GRIN2B: variants seen among roughly 807,000 people sequenced by gnomAD.
GRIN2B encodes the protein glutamate receptor ionotropic, NMDA 2B.
GRIN2B carries 5 observed loss-of-function variants against 114.5 expected under a neutral mutation model. That is an observed-to-expected ratio of 0.04 (90% confidence interval 0.02 to 0.09). The LOEUF (loss-of-function observed/expected upper bound fraction) is 0.09. Ranked by LOEUF, GRIN2B falls within the 10% of genes least tolerant of loss-of-function variation. The pLI, the probability that GRIN2B is intolerant of heterozygous loss-of-function variation, is 1.00. For synonymous variants in GRIN2B, 787 were observed against 745.1 expected, an observed-to-expected ratio of 1.06 and a Z score of -0.92; for missense variants, 1,108 against 1,943.5, an observed-to-expected ratio of 0.57 and a Z score of 8.08.
intron 10 of GRIN2B, among the ~76,000 whole-genome samples, chr12:13,575,975 A>G (rs1305504554): frequency 2.0e-5 from 3 of 152,186 alleles, no homozygotes; most frequent in African/African-American, 7.2e-5. Context: ...AAATTGTCCT[A>G]TGTAAGGCAA....
intron 2 of GRIN2B, among the ~76,000 whole-genome samples, chr12:13,923,039 G>A (rs1016989419): frequency 7.2e-5 from 11 of 152,022 alleles, no homozygotes; most frequent in Non-Finnish European, 2.9e-5. Flanking sequence ...TACATCCTTG[G>A]AAGCACCTGG....
chr12:13,945,615 C>T (rs1043825630), intron 2 of GRIN2B, among the ~76,000 whole-genome samples: 5 of 152,154 alleles, frequency 3.3e-5, no homozygotes, highest in African/African-American at 7.2e-5. Context: ...GTGGGCAGCA[C>T]CAGTACCTAC....
intron 4 of GRIN2B, among the ~76,000 whole-genome samples, chr12:13,684,218 C>T (rs1950157154): frequency 1.3e-5 from 2 of 152,266 alleles, no homozygotes; most frequent in South Asian, 4.1e-4. Context: ...CTCATACCTC[C>T]ATAATTTTAG....
chr12:13,652,513 A>T (rs1046365714), intron 5 of GRIN2B, among the ~76,000 whole-genome samples: 1 of 152,000 alleles, frequency 6.6e-6, no homozygotes, highest in Non-Finnish European at 1.5e-5. Flanking sequence ...TGGCCCTTCT[A>T]GACAAAGCGG....
chr12:13,655,483 A>C (rs1949854435), intron 5 of GRIN2B, among the ~76,000 whole-genome samples: 1 of 152,224 alleles, frequency 6.6e-6, no homozygotes, highest in South Asian at 2.1e-4. Flanking sequence ...AAGCTACTGC[A>C]GATTAATCCC....
At chr12:13,900,835 G>A (rs1866436751) in intron 2 of GRIN2B, among the ~76,000 whole-genome samples, 1 of 152,060 alleles carries the variant, frequency 6.6e-6, no homozygotes, top group South Asian at 2.1e-4. Context: ...ATACTTCTGA[G>A]ATTTGGCCAT....
intron 2 of GRIN2B, among the ~76,000 whole-genome samples, chr12:13,920,552 A>C (rs1363463257): frequency 2.0e-5 from 3 of 152,176 alleles, no homozygotes; most frequent in African/African-American, 4.8e-5. Context: ...GAAGCCTAGA[A>C]ACTTCCTTCC....
At chr12:13,869,165 T>C (rs1259550975) in intron 2 of GRIN2B, among the ~76,000 whole-genome samples, 1 of 152,156 alleles carries the variant, frequency 6.6e-6, no homozygotes, top group African/African-American at 2.4e-5. Flanking sequence ...AACCTCCTTG[T>C]GAGCAGGGAC....
chr12:13,588,382 G>A (rs949809848), intron 10 of GRIN2B, among the ~76,000 whole-genome samples: 1 of 152,166 alleles, frequency 6.6e-6, no homozygotes, highest in Non-Finnish European at 1.5e-5. Flanking sequence ...AACACACAGG[G>A]AAGGGTCTTG....
chr12:13,630,437 AG>A (rs1292465485), intron 5 of GRIN2B, among the ~76,000 whole-genome samples: 11 of 152,208 alleles, frequency 7.2e-5, no homozygotes, highest in Non-Finnish European at 1.6e-4. Context: ...CTCTGAGTTT[AG>A]CTTTGTGACT....
intron 5 of GRIN2B, 108 bp downstream of exon 5, chr12:13,675,637 C>T: frequency 1.3e-6 from 1 of 764,708 alleles, no homozygotes; most frequent in Non-Finnish European, 2.4e-6. Context: ...TGATCCCTTG[C>T]TCCACAGGTC....
In GRIN2B at chr12:13,615,357, G is replaced by T; in HGVS notation, c.1501-90C>A. On this transcript the variant is annotated intron_variant, in intron 7 of 13. Coordinates refer to ENST00000609686, the MANE Select transcript of GRIN2B (RefSeq NM_000834.5). This position sits in a 1 kb window ranked among gnomAD's most constrained non-coding sequence, Gnocchi z 5.8. ...ATACAGCCTATCAGTGGTTTTCTTT[G>T]TATAGTGGGAACAATACATCTTATT... 1 of 1,458,498 alleles carries T rather than the reference G, an allele frequency of 6.9e-7. No homozygotes were observed. The allele number at this position is 1,458,498 out of a possible 1,614,324, so 90.3% of individuals were successfully genotyped here.
At chr12:13,856,422 G>A (rs1865662037) in intron 3 of GRIN2B, among the ~76,000 whole-genome samples, 1 of 152,130 alleles carries the variant, frequency 6.6e-6, no homozygotes, top group South Asian at 2.1e-4. Flanking sequence ...AAGCTTCCAT[G>A]TGGCAGCACA....
chr12:13,706,007 C>T (rs1359952194), intron 4 of GRIN2B, among the ~76,000 whole-genome samples: 1 of 152,100 alleles, frequency 6.6e-6, no homozygotes. Context: ...TAAGGAAGAA[C>T]CTCCCGGCTG....
chr12:13,948,228 A>G, intron 2 of GRIN2B, among the ~76,000 whole-genome samples: 1 of 152,130 alleles, frequency 6.6e-6, no homozygotes, highest in Admixed American at 6.5e-5. Flanking sequence ...GCCTAAAGAA[A>G]GTCTCTGCCA....
intron 4 of GRIN2B, among the ~76,000 whole-genome samples, chr12:13,684,078 T>C (rs1950155885): frequency 6.6e-6 from 1 of 152,118 alleles, no homozygotes; most frequent in African/African-American, 2.4e-5. Flanking sequence ...CCAAAACTAT[T>C]AAGGCTTGGG....
chr12:13,663,506 G>A (rs1949944687), intron 5 of GRIN2B, among the ~76,000 whole-genome samples: 1 of 152,176 alleles, frequency 6.6e-6, no homozygotes, highest in Non-Finnish European at 1.5e-5. Flanking sequence ...AACCCACAAT[G>A]TGCTATATCA....
chr12:13,600,091 G>T (rs941411802), intron 10 of GRIN2B, among the ~76,000 whole-genome samples: 2 of 152,180 alleles, frequency 1.3e-5, no homozygotes, highest in Non-Finnish European at 2.9e-5. Flanking sequence ...TTAAAAAGTC[G>T]TAGTTCCAGG....
In GRIN2B at chr12:13,687,871, T is replaced by TA. The variant is rs1290941564; in HGVS notation, c.1011-12013_1011-12012insT. Among the ~76,000 whole-genome samples the TA allele has an allele frequency of 5.3e-5, 8 of 152,340 alleles. 1 individual carries two copies. The Middle Eastern group carries it at 0.017, about 324-fold the overall frequency. ...CTCTTCAGCACATAGTTTCAGAACT[T>TA]TGTCTCCACAAGGTAAATGAATCTC... On this transcript the variant is annotated intron_variant, in intron 4 of 13. Transcript: ENST00000609686.
Sources: gnomAD v4.1 joint callset for allele counts (sites outside exome capture counted in the v4.1 genomes callset) on GRCh38, gnomAD v4.1.1 for gene constraint, Gnocchi (gnomAD v3.1) non-coding constraint, MANE v1.5 for transcripts, NCBI Gene and HGNC (gene_info 2026-07-23, HGNC 2026-07-21) for gene names.